The following C3 variants were observed in gnomAD, a reference collection of about 807,000 sequenced individuals.
C3 encodes complement C3.
Under a neutral mutation model 207.9 loss-of-function variants are expected in C3, and 97 were observed. The observed-to-expected ratio is 0.47, with a 90% CI of 0.40 to 0.55. The LOEUF (loss-of-function observed/expected upper bound fraction) is 0.55, where lower values mean the gene tolerates loss of function less well. Ranked by LOEUF, C3 falls within the 20% of genes least tolerant of loss-of-function variation. C3 has a pLI of 0.00. For missense variants in C3, 1,684 were observed against 2,171.7 expected, an observed-to-expected ratio of 0.78 and a Z score of 4.46; for synonymous variants, 848 against 857.6, an observed-to-expected ratio of 0.99 and a Z score of 0.20.
At chr19:6,690,534 C>G in intron 27 of C3, 95 bp downstream of exon 27, 1 of 919,854 alleles carries the variant, frequency 1.1e-6, no homozygotes, top group Non-Finnish European at 1.8e-6. Flanking sequence ...ACTGGGAGAG[C>G]TGCAAATTCC....
At position 6,710,727 on chromosome 19, in the gene C3, G is replaced by A. The variant is rs773305601; in HGVS notation, c.1598C>T (p.Ala533Val). The change falls in exon 13 of 41, where the codon GCG (alanine) becomes GTG (valine). Residue 533 changes from alanine to valine, a missense_variant. Coordinates refer to ENST00000245907, the MANE Select transcript of C3 (RefSeq NM_000064.4). ...TDFIPSFRLV[A>V]YYTLIGASGQ... is the part of the protein sequence containing the mutation. ...GCTGGCACCGATCAGCGTGTAGTAC[G>A]CCACCAGGCGGAAGGAAGGGATGAA... 5 of 1,613,700 alleles carry A rather than the reference G, an allele frequency of 3.1e-6. No individual in the cohort carries two copies. Among genetic ancestry groups the A allele is most frequent in the East Asian group, 2.2e-5 (1 of 44,868 alleles).
At chr19:6,685,248 A>T (rs890328222) in intron 29 of C3, 102 bp from the exon 30 acceptor site, 1 of 1,113,174 alleles carries the variant, frequency 9.0e-7, no homozygotes, top group East Asian at 2.5e-5. Context: ...GGACATCAAA[A>T]TGTGGCCTAG....
Position 6,719,139 on chromosome 19 carries a change from G to T in C3, c.267+72C>A. 7.5e-7 allele frequency: 1 copy of T among 1,324,894 alleles called. No individual in the cohort carries two copies. The allele number at this position is 1,324,894 out of a possible 1,614,324, so 82.1% of individuals were successfully genotyped here. On this transcript the variant is annotated intron_variant, in intron 2 of 40. Coordinates refer to ENST00000245907, the MANE Select transcript of C3 (RefSeq NM_000064.4). The surrounding 1 kb of genome is among the most constrained non-coding windows in gnomAD (Gnocchi z 5.4). ...TAGAAAGGGAGAAGACAGAAGGGGA[G>T]GGGCTCAGGAGGAGGGGGGGAGTGG...
Position 6,718,183 on chromosome 19 carries a change from G to A in C3, c.434-19C>T. The A allele has an allele frequency of 6.2e-7, 1 of 1,614,098 alleles. No individual in the cohort carries two copies. The highest frequency in any genetic ancestry group is 8.5e-7 in the Non-Finnish European group (1 of 1,179,984). ...TAGAGAACTGGGGAGAGACAAAGAG[G>A]CCTCGTGAGACCCTAGCCCGCCCAC... is the stretch of plus-strand genomic sequence containing the variant. On this transcript the variant is annotated intron_variant, in intron 3 of 40. Coordinates refer to ENST00000245907, the MANE Select transcript of C3 (RefSeq NM_000064.4).
At chr19:6,694,262 C>T (rs578012147) in intron 24 of C3, among the ~76,000 whole-genome samples, 169 bp downstream of exon 24, 1 of 151,162 alleles carries the variant, frequency 6.6e-6, no homozygotes, top group East Asian at 2.0e-4. Flanking sequence ...GAGTCAGGGC[C>T]TCAGAGGGCG....
chr19:6,706,638 T>G (rs1599518156), intron 17 of C3, among the ~76,000 whole-genome samples: 1 of 88,830 alleles, frequency 1.1e-5, no homozygotes, highest in African/African-American at 4.6e-5. Flanking sequence ...TCCTCCCCCC[T>G]CAGACAGAGG....
intron 4 of C3, chr19:6,717,454 TGGTTGTGTGTTG>T (rs371185994): frequency 0.019 from 3,510 of 189,298 alleles, 91 homozygotes; most frequent in East Asian, 0.067. Flanking sequence ...GTGTATTGTG[TGGTTGTGTGTTG>T]GGTTGTGTGT....
Position 6,678,193 on chromosome 19 carries a change from G to A in C3, c.4809C>T (p.Leu1603=), listed in dbSNP as rs772715389. ...ALKLEEKKHY[L]MWGLSSDFWG... ...AGAAATCGGAGGAGAGACCCCACAT[G>A]AGGTAGTGTTTCTTCTCCTCCAGCT... Residue 1603 remains leucine (L), a synonymous_variant, in exon 40 of 41, where the codon CTC becomes CTT. Transcript: ENST00000245907. The A allele has an allele frequency of 6.2e-7, 1 of 1,614,234 alleles. No homozygotes were observed. The highest frequency in any genetic ancestry group is 8.5e-7 in the Non-Finnish European group (1 of 1,180,050).
intron 4 of C3, 30 bp from the exon 5 acceptor site, chr19:6,714,476 A>T: frequency 6.5e-7 from 1 of 1,533,416 alleles, no homozygotes. Context: ...AGGATAGAGG[A>T]TAAAGTGGCT....
intron 4 of C3, chr19:6,717,555 T>G: frequency 4.3e-6 from 1 of 232,816 alleles, no homozygotes. Flanking sequence ...TTGTGTATGT[T>G]GTGTGTGTGT....
At chr19:6,686,361 A>C in intron 28 of C3, 74 bp from the exon 29 acceptor site, 1 of 1,520,826 alleles carries the variant, frequency 6.6e-7, no homozygotes, top group Non-Finnish European at 9.1e-7. Flanking sequence ...AAAGCTCAGA[A>C]AGAGATGCAT....
At chr19:6,682,285 T>C in intron 33 of C3, 56 bp from the exon 34 acceptor site, 3 of 1,374,568 alleles carry the variant, frequency 2.2e-6, no homozygotes, top group Non-Finnish European at 3.1e-6. Flanking sequence ...GCCCCAAGGG[T>C]CTGTTCCTGG....
At chr19:6,709,627 C>T (rs919757594) in intron 14 of C3, 57 bp downstream of exon 14, 1 of 1,390,496 alleles carries the variant, frequency 7.2e-7, no homozygotes, top group Non-Finnish European at 1.0e-6. Context: ...CCACCTCCCC[C>T]AGCCCCAGCT....
intron 19 of C3, among the ~76,000 whole-genome samples, chr19:6,701,128 C>T (rs1219599881): frequency 6.6e-6 from 1 of 152,122 alleles, no homozygotes; most frequent in African/African-American, 2.4e-5. Flanking sequence ...TTTAGCTACA[C>T]ATGGCCTTGT....
intron 7 of C3, 33 bp from the exon 8 acceptor site, chr19:6,713,542 T>A: frequency 6.6e-7 from 1 of 1,513,856 alleles, no homozygotes. Flanking sequence ...TTCAGGTCCA[T>A]CCCTCCTGGA....
chr19:6,686,580 C>T, intron 28 of C3, 166 bp downstream of exon 28: 2 of 832,658 alleles, frequency 2.4e-6, no homozygotes, highest in Non-Finnish European at 2.0e-6. Flanking sequence ...CATCCCAGCT[C>T]AGCTCAGGGT....
In C3 at chr19:6,694,619, T is replaced by C; in HGVS notation, c.2966A>G (p.Gln989Arg). Reference sequence around the variant, plus strand: ...CGCGTCGACGGCATCCTCTGTCATCTGGGCCACTGGGGTCCCTGCAGCAGG... The same window carrying C: ...CGCGTCGACGGCATCCTCTGTCATCCGGGCCACTGGGGTCCCTGCAGCAGG... ...RILLQGTPVA[Q>R]MTEDAVDAER... Residue 989 changes from glutamine (Q) to arginine (R), a missense_variant, in exon 24 of 41, where the codon CAG becomes CGG. Gln to Arg is a conservative substitution (Grantham distance 43). Around this residue, in one of 3 missense-constraint regions of C3, gnomAD observed 1,280 missense variants for 1,739.1 expected, o/e 0.74. Transcript: ENST00000245907. 3 of 1,612,620 alleles carry C rather than the reference T, an allele frequency of 1.9e-6. No homozygotes were observed. The highest frequency in any genetic ancestry group is 2.5e-6 in the Non-Finnish European group (3 of 1,179,812).
chr19:6,707,831 G>A lies in C3; in HGVS notation c.1944C>T (p.Ser648=). ...TCTGGGCGGTCTGCTGGCCACTGCT[G>A]CTCGTGAAGGTCAGCCCTGCGTCGG... ...VFSDAGLTFT[S]SSGQQTAQRA... The change falls in exon 15 of 41, where the codon AGC becomes AGT. Residue 648 remains serine (S), a synonymous_variant. Coordinates refer to ENST00000245907, the MANE Select transcript of C3 (RefSeq NM_000064.4). The A allele has an allele frequency of 6.2e-7, 1 of 1,613,842 alleles. No individual in the cohort carries two copies. The highest frequency in any genetic ancestry group is 1.1e-5 in the South Asian group (1 of 91,078).
chr19:6,692,843 A>G (rs901499442), intron 26 of C3, 81 bp downstream of exon 26: 2 of 1,512,392 alleles, frequency 1.3e-6, no homozygotes, highest in Admixed American at 3.3e-5. Context: ...GGGCACATGG[A>G]GGTGGGGCTC....
Sources: allele counts gnomAD v4.1 joint callset (sites outside exome capture counted in the v4.1 genomes callset), GRCh38; gene constraint gnomAD v4.1.1; regional missense constraint gnomAD v4.1.1; non-coding constraint Gnocchi (gnomAD v3.1); transcripts MANE v1.5; gene names NCBI Gene and HGNC (gene_info 2026-07-23, HGNC 2026-07-21).